Variants in SCN2A observed in about 807,000 individuals in gnomAD.
The protein encoded by SCN2A is sodium voltage-gated channel alpha subunit 2.
A neutral mutation model predicts 188.7 loss-of-function variants in SCN2A; 20 were observed. That is an observed-to-expected ratio of 0.11 (90% CI 0.07 to 0.15). The LOEUF is 0.15. Among genes scored for constraint, SCN2A ranks in the 10% least tolerant of loss-of-function variants. SCN2A has a pLI of 1.00. For synonymous variants in SCN2A, 804 were observed against 833.1 expected, an observed-to-expected ratio of 0.97 and a Z score of 0.60; for missense variants, 1,278 against 2,445.0, an observed-to-expected ratio of 0.52 and a Z score of 10.07.
intron 13 of SCN2A, chr2:165,328,556 G>C (rs1044779371): frequency 1.0e-6 from 1 of 961,558 alleles, no homozygotes; most frequent in African/African-American, 1.8e-5. Flanking sequence ...TAAATCAACA[G>C]TCATGCTTTG....
At chr2:165,296,147 T>C (rs1696498882) in intron 2 of SCN2A, 57 bp downstream of exon 2, 2 of 1,528,016 alleles carry the variant, frequency 1.3e-6, no homozygotes, top group South Asian at 2.2e-5. Context: ...TCTGGGCTAG[T>C]CCCAGGGATG....
At chr2:165,260,973 A>G (rs1694570614) in intron 1 of SCN2A, among the ~76,000 whole-genome samples, 1 of 150,760 alleles carries the variant, frequency 6.6e-6, no homozygotes, top group Non-Finnish European at 1.5e-5. Flanking sequence ...TCCGTCTCAA[A>G]AAAAAAAAAA....
chr2:165,312,949 G>A (rs1489349761), intron 8 of SCN2A, among the ~76,000 whole-genome samples: 1 of 152,058 alleles, frequency 6.6e-6, no homozygotes, highest in Admixed American at 6.6e-5. Context: ...CCAATGATAA[G>A]TAAATCAATT....
In SCN2A at chr2:165,381,137, C is replaced by A; in HGVS notation, c.4491C>A (p.Tyr1497Ter). ...TTATGACAGAAGAACAGAAGAAATA[C>A]TACAATGCAATGAAAAAACTGGGTT... ...DIFMTEEQKK[Y>*]YNAMKKLGSK... The change falls in exon 25 of 27, where the codon TAC (tyrosine) becomes TAA (stop). Residue 1497 changes from tyrosine to a stop codon, truncating the protein, a stop_gained. Transcript: ENST00000375437. LOFTEE classifies it high-confidence loss of function. 1 of 1,593,368 alleles carries A rather than the reference C, an allele frequency of 6.3e-7. No homozygotes were observed. The highest frequency in any genetic ancestry group is 2.3e-5 in the East Asian group (1 of 44,336).
In SCN2A at chr2:165,307,835, G is replaced by T; in HGVS notation, c.387-13G>T. The T allele has an allele frequency of 6.3e-7, 1 of 1,578,958 alleles. No individual in the cohort carries two copies. Among genetic ancestry groups the T allele is most frequent in the Non-Finnish European group, 8.7e-7 (1 of 1,148,262 alleles). Reference sequence around the variant, plus strand: ...TTTTCCATTGAACTTTGTCTTCCTTGACGATATTCTACTTTATTCAATATG... The same window carrying T: ...TTTTCCATTGAACTTTGTCTTCCTTTACGATATTCTACTTTATTCAATATG... On this transcript the variant is annotated splice_polypyrimidine_tract_variant and intron_variant, in intron 3 of 26. Transcript: ENST00000375437.
Position 165,307,863 on chromosome 2 carries a change from C to A in SCN2A, c.402C>A (p.Leu134=). ...GATATTCTACTTTATTCAATATGCT[C>A]ATTATGTGCACGATTCTTACCAACT... is the stretch of plus-strand genomic sequence containing the variant. The part of the protein sequence containing the change: ...KILVHSLFNM[L]IMCTILTNCV... The change falls in exon 4 of 27, where the codon CTC becomes CTA. Residue 134 remains leucine (L), a synonymous_variant. Transcript: ENST00000375437. 6.2e-7 allele frequency: 1 copy of A among 1,609,892 alleles called. No individual in the cohort carries two copies. The highest frequency in any genetic ancestry group is 8.5e-7 in the Non-Finnish European group (1 of 1,176,384).
chr2:165,272,319 T>A (rs749206939), intron 1 of SCN2A: 5 of 151,908 alleles, frequency 3.3e-5, no homozygotes, highest in Non-Finnish European at 5.9e-5. Context: ...GGCATGACAA[T>A]CTTAAAAGGG....
intron 16 of SCN2A, among the ~76,000 whole-genome samples, chr2:165,350,541 C>T (rs13002155): frequency 7.5e-6 from 1 of 132,588 alleles, no homozygotes; most frequent in Admixed American, 8.5e-5. Context: ...GGCGGGATCT[C>T]GGCTCACTGC....
At chr2:165,290,497 A>G (rs572025784) in intron 1 of SCN2A, 1 of 152,380 alleles carries the variant, frequency 6.6e-6, no homozygotes, top group South Asian at 2.1e-4. Context: ...GCTTGACAAA[A>G]GTAGGTACTA....
At chr2:165,253,199 C>T (rs955513917) in intron 1 of SCN2A, among the ~76,000 whole-genome samples, 4 of 152,092 alleles carry the variant, frequency 2.6e-5, no homozygotes, top group African/African-American at 7.2e-5. Flanking sequence ...GTTTATTAAA[C>T]TCCTCAGGAT....
At chr2:165,259,613 A>T (rs942477184) in intron 1 of SCN2A, among the ~76,000 whole-genome samples, 3 of 152,196 alleles carry the variant, frequency 2.0e-5, no homozygotes, top group African/African-American at 7.2e-5. Flanking sequence ...TCCCTCATTC[A>T]TTCAAGTTTT....
In SCN2A at chr2:165,283,162, T is replaced by C. The variant is rs923122730; in HGVS notation, c.-51-12611T>C. Among the ~76,000 whole-genome samples the C allele has an allele frequency of 1.4e-4, 22 of 151,966 alleles. 1 individual carries two copies. Among genetic ancestry groups the C allele is most frequent in the Admixed American group, 6.5e-4 (10 of 15,270 alleles). On this transcript the variant is annotated intron_variant, in intron 1 of 26. Transcript: ENST00000375437. ...TAAGTCAGGAAAAATACTTCTAACT[T>C]AGGAAAAAAGAAGAAAAAGGAAGGA...
intron 8 of SCN2A, among the ~76,000 whole-genome samples, chr2:165,313,329 C>T (rs975990930): frequency 2.0e-5 from 3 of 152,012 alleles, no homozygotes; most frequent in Non-Finnish European, 4.4e-5. Context: ...TTTTAACTGC[C>T]CTTAAGTCCC....
chr2:165,350,464 C>CTTTCTTTTTTTTT (rs1699830486), intron 16 of SCN2A, among the ~76,000 whole-genome samples: 29 of 73,846 alleles, frequency 3.9e-4, no homozygotes, highest in Non-Finnish European at 6.4e-4. Context: ...TGTTTTCTTT[C>CTTTCTTTTTTTTT]TTTTTTTTTT....
chr2:165,248,188 G>A (rs933932175), intron 1 of SCN2A, among the ~76,000 whole-genome samples: 3 of 151,994 alleles, frequency 2.0e-5, no homozygotes, highest in Admixed American at 1.3e-4. Context: ...TTCTCAATAC[G>A]GCAAGACAGA....
intron 15 of SCN2A, among the ~76,000 whole-genome samples, chr2:165,342,730 TAAACTC>T (rs1699380491): frequency 6.6e-6 from 1 of 152,216 alleles, no homozygotes. Context: ...GAGTCACAGA[TAAACTC>T]GAATCACAAT....
At chr2:165,264,407 A>G (rs1021949206) in intron 1 of SCN2A, among the ~76,000 whole-genome samples, 2 of 152,170 alleles carry the variant, frequency 1.3e-5, no homozygotes, top group Admixed American at 6.6e-5. Context: ...ACATCACTTT[A>G]TGATTATAAC....
chr2:165,353,483 A>G (rs1046743826), intron 16 of SCN2A, among the ~76,000 whole-genome samples: 1 of 152,236 alleles, frequency 6.6e-6, no homozygotes, highest in Non-Finnish European at 1.5e-5. Context: ...GTATTAGGCC[A>G]TTCTTGCATT....
intron 1 of SCN2A, among the ~76,000 whole-genome samples, chr2:165,252,613 G>A (rs1278083927): frequency 6.8e-6 from 1 of 147,378 alleles, no homozygotes; most frequent in Non-Finnish European, 1.5e-5. Context: ...ATGGGATTGT[G>A]ACAAAAAAAA....
Sources: allele counts gnomAD v4.1 joint callset (sites outside exome capture counted in the v4.1 genomes callset), GRCh38; gene constraint gnomAD v4.1.1; transcripts MANE v1.5; gene names NCBI Gene and HGNC (gene_info 2026-07-23, HGNC 2026-07-21).